The following POU2F1 variants were observed in gnomAD, a reference collection of about 807,000 sequenced individuals.
POU2F1 encodes the protein POU domain, class 2, transcription factor 1.
In POU2F1, 16 loss-of-function variants were observed where a neutral mutation model predicts 84.9. That is an observed-to-expected ratio of 0.19 (90% confidence interval 0.13 to 0.29). The LOEUF (loss-of-function observed/expected upper bound fraction) is 0.29, where lower values mean the gene tolerates loss of function less well. POU2F1 is among the 10% of genes least tolerant of loss of function. POU2F1 has a pLI of 1.00. For synonymous variants in POU2F1, 368 were observed against 368.3 expected, an observed-to-expected ratio of 1.00 and a Z score of 0.01; for missense variants, 738 against 942.6, an observed-to-expected ratio of 0.78 and a Z score of 2.84.
chr1:167,359,811 G>GC (rs1443642378), intron 2 of POU2F1, among the ~76,000 whole-genome samples: 3 of 137,820 alleles, frequency 2.2e-5, no homozygotes, highest in African/African-American at 9.3e-5. Flanking sequence ...GTGTGTACGT[G>GC]GTTTTTTTTT....
intron 1 of POU2F1, among the ~76,000 whole-genome samples, chr1:167,264,187 T>C (rs555196505): frequency 6.6e-6 from 1 of 152,068 alleles, no homozygotes; most frequent in Non-Finnish European, 1.5e-5. Context: ...TAGTGGTATG[T>C]CAGGAAAGGT....
rs368158467 is a variant in POU2F1 at position 167,389,572 on chromosome 1, A to G, written c.814-16A>G. 34 of 1,613,498 alleles carry G rather than the reference A, an allele frequency of 2.1e-5. No individual in the cohort carries two copies. The East Asian group carries it at 7.6e-4, about 36-fold the overall frequency. On this transcript the variant is annotated splice_polypyrimidine_tract_variant and intron_variant, in intron 8 of 15. Transcript: ENST00000367866. ...TTCACGTGTTTTTCCTCATTGTTTT[A>G]TTCTTTCTCCAACAGCCAGCAACCC...
intron 1 of POU2F1, among the ~76,000 whole-genome samples, chr1:167,306,628 A>T (rs1320738562): frequency 6.6e-6 from 1 of 152,136 alleles, no homozygotes; most frequent in African/African-American, 2.4e-5. Context: ...CAAACAACAG[A>T]AATTTATTGT....
chr1:167,304,387 T>C (rs1424348863), intron 1 of POU2F1, among the ~76,000 whole-genome samples: 1 of 152,204 alleles, frequency 6.6e-6, no homozygotes, highest in Non-Finnish European at 1.5e-5. Context: ...AGAAAGGCAG[T>C]CATATAGCTC....
intron 1 of POU2F1, among the ~76,000 whole-genome samples, chr1:167,267,237 C>A (rs367557407): frequency 2.7e-5 from 4 of 150,068 alleles, no homozygotes; most frequent in African/African-American, 9.8e-5. Flanking sequence ...AAAAAAAAAA[C>A]CCACAAAAGT....
At chr1:167,382,617 A>T (rs1647647285) in intron 7 of POU2F1, among the ~76,000 whole-genome samples, 1 of 152,232 alleles carries the variant, frequency 6.6e-6, no homozygotes, top group African/African-American at 2.4e-5. Flanking sequence ...ATTGAACTAT[A>T]GGGAGACACT....
At chr1:167,239,363 C>A (rs1311330818) in intron 1 of POU2F1, among the ~76,000 whole-genome samples, 1 of 152,142 alleles carries the variant, frequency 6.6e-6, no homozygotes, top group Non-Finnish European at 1.5e-5. Flanking sequence ...ATAGTTAACT[C>A]CTAGTTATAA....
intron 8 of POU2F1, among the ~76,000 whole-genome samples, chr1:167,385,420 A>G (rs181125139): frequency 6.6e-6 from 1 of 152,304 alleles, no homozygotes; most frequent in East Asian, 1.9e-4. Context: ...GTCAAGAATA[A>G]TTATAAAACT....
At chr1:167,294,038 C>G (rs142012009) in intron 1 of POU2F1, among the ~76,000 whole-genome samples, 1 of 151,786 alleles carries the variant, frequency 6.6e-6, no homozygotes. Context: ...TGACATTGGC[C>G]TAGGCAAAGA....
At chr1:167,329,149 A>C (rs1282731486) in intron 1 of POU2F1, 2 of 1,408,324 alleles carry the variant, frequency 1.4e-6, no homozygotes, top group Middle Eastern at 2.0e-4. Flanking sequence ...ACCCTACGCA[A>C]CCCCCCTCTT....
intron 2 of POU2F1, among the ~76,000 whole-genome samples, chr1:167,335,457 A>G (rs890475734): frequency 6.6e-6 from 1 of 152,158 alleles, no homozygotes; most frequent in Non-Finnish European, 1.5e-5. Context: ...GTAGGGGTGA[A>G]GGTCTAGGAT....
Position 167,317,687 on chromosome 1 carries a change from C to T in POU2F1, c.62-14783C>T, listed in dbSNP as rs372803594. ...GGAATGCCTTAAGCAGTTTTCCATC[C>T]TGGGTGGGCCAGGTGTTCCTTGCCC... is the stretch of plus-strand genomic sequence containing the variant. On this transcript the variant is annotated intron_variant, in intron 1 of 15. Coordinates refer to ENST00000367866, the MANE Select transcript of POU2F1 (RefSeq NM_002697.4). 1.5e-4 allele frequency among the ~76,000 whole-genome samples: 23 copies of T among 152,326 alleles called. No homozygotes were observed. In the South Asian group the frequency reaches 4.8e-3, roughly 32 times the overall value.
At chr1:167,321,018 A>G (rs563148828) in intron 1 of POU2F1, among the ~76,000 whole-genome samples, 1 of 152,360 alleles carries the variant, frequency 6.6e-6, no homozygotes, top group East Asian at 1.9e-4. Context: ...TGGTAGTGTC[A>G]TTTACTAAGG....
intron 1 of POU2F1, among the ~76,000 whole-genome samples, chr1:167,245,539 G>A (rs1056115948): frequency 2.0e-5 from 3 of 151,324 alleles, no homozygotes; most frequent in South Asian, 2.1e-4. Flanking sequence ...TCAGGCTCCC[G>A]AGTAGCTGGG....
Position 167,424,698 on chromosome 1 carries a change from A to C in POU2F1, c.*8888A>C, listed in dbSNP as rs1388389638. The C allele has an allele frequency of 2.6e-5, 4 of 152,264 alleles. No homozygotes were observed. The South Asian group carries it at 8.3e-4, about 31-fold the overall frequency. 9.4% of individuals were successfully genotyped at this position (152,264 alleles called of 1,614,324 possible). A position where few individuals can be genotyped will look rare whatever the true frequency, so the allele number is the denominator to read the frequency against. ...ATGTCGCTGCTTAAAAGCTACTGCAAACTGAGGGCAAATTGCAATCTTCTA... is the reference window on the plus strand; with the variant it reads ...ATGTCGCTGCTTAAAAGCTACTGCACACTGAGGGCAAATTGCAATCTTCTA... On this transcript the variant is annotated 3_prime_UTR_variant, in exon 16 of 16. Coordinates refer to ENST00000367866, the MANE Select transcript of POU2F1 (RefSeq NM_002697.4).
chr1:167,315,806 T>TAA lies in POU2F1; in HGVS notation c.62-16651_62-16650dup, dbSNP rs537847447. Among the ~76,000 whole-genome samples, 767 of 136,586 alleles carry TAA rather than the reference T, an allele frequency of 5.6e-3. 10 individuals are homozygous for TAA. Among genetic ancestry groups the TAA allele is most frequent in the African/African-American group, 0.019 (701 of 37,814 alleles). The allele number at this position is 136,586 out of a possible 152,430, so 89.6% of individuals were successfully genotyped here. On this transcript the variant is annotated intron_variant, in intron 1 of 15. Coordinates refer to ENST00000367866, the MANE Select transcript of POU2F1 (RefSeq NM_002697.4). ...GCAACAGAGAGATACCCCATCTCTT[T>TAA]AAAAAAAAAAAAAACCCTGAAATTA...
chr1:167,415,698 C>T lies in POU2F1; in HGVS notation c.2189C>T (p.Ala730Val), dbSNP rs1486222992. ...AASAGNSAPV[A>V]SLHATSTSAE... ...TCTGCAGGGAACTCTGCACCTGTAG[C>T]CAGCCTTCACGCCACCTCCACCTCT... Residue 730 changes from alanine to valine, a missense_variant, in exon 16 of 16, where the codon GCC (alanine) becomes GTC (valine). Physicochemically the swap from Ala to Val is moderately conservative, Grantham distance 64. Coordinates refer to ENST00000367866, the MANE Select transcript of POU2F1 (RefSeq NM_002697.4). 1 of 1,614,124 alleles carries T rather than the reference C, an allele frequency of 6.2e-7. No homozygotes were observed.
intron 7 of POU2F1, among the ~76,000 whole-genome samples, chr1:167,381,257 G>T (rs1267109252): frequency 1.3e-5 from 2 of 151,992 alleles, no homozygotes; most frequent in African/African-American, 4.8e-5. Context: ...TAATTTTTTT[G>T]TATTTTTAGT....
At chr1:167,350,867 G>T (rs372400912) in intron 2 of POU2F1, among the ~76,000 whole-genome samples, 7 of 151,298 alleles carry the variant, frequency 4.6e-5, no homozygotes, top group African/African-American at 1.5e-4. Flanking sequence ...GCGTGGTGGC[G>T]CATGCCTGTA....
Sources: gnomAD v4.1 joint callset for allele counts (sites outside exome capture counted in the v4.1 genomes callset) on GRCh38, gnomAD v4.1.1 for gene constraint, MANE v1.5 for transcripts, NCBI Gene and HGNC (gene_info 2026-07-23, HGNC 2026-07-21) for gene names.